Variants in LIMS1 observed in about 807,000 individuals in gnomAD.
The protein encoded by LIMS1 is LIM and senescent cell antigen-like-containing domain protein 1.
A neutral mutation model predicts 44.1 loss-of-function variants in LIMS1; 18 were observed. The observed-to-expected ratio is 0.41, with a 90% CI of 0.28 to 0.61. The LOEUF (loss-of-function observed/expected upper bound fraction) is 0.61, where lower values mean the gene tolerates loss of function less well. Among genes scored for constraint, LIMS1 ranks in the 20% least tolerant of loss-of-function variants. The pLI, the probability that LIMS1 is intolerant of heterozygous loss-of-function variation, is 0.32. For missense variants in LIMS1, 201 were observed against 422.0 expected, an observed-to-expected ratio of 0.48 and a Z score of 4.59; for synonymous variants, 93 against 149.1, an observed-to-expected ratio of 0.62 and a Z score of 2.74.
At position 108,566,451 on chromosome 2, in the gene LIMS1, T is replaced by G. The variant is rs1345074870; in HGVS notation, c.32+31857T>G. ...TCATTTATATAGATGAGGAAACTGA[T>G]TCTCAGAGGGTAAATTGCCCAGGGC... On this transcript the variant is annotated intron_variant, in intron 1 of 9. Coordinates refer to ENST00000544547, the Ensembl canonical transcript of LIMS1. Among the ~76,000 whole-genome samples, 4 of 152,188 alleles carry G rather than the reference T, an allele frequency of 2.6e-5. No homozygotes were observed. In the East Asian group the frequency reaches 5.8e-4, roughly 22 times the overall value.
intron 1 of LIMS1, among the ~76,000 whole-genome samples, chr2:108,573,106 T>C (rs978020277): frequency 6.6e-6 from 1 of 152,188 alleles, no homozygotes; most frequent in African/African-American, 2.4e-5. Context: ...ATAAAAAAGG[T>C]CATATGAATG....
intron 1 of LIMS1, among the ~76,000 whole-genome samples, chr2:108,568,334 TCAAGCTTCATC>T (rs1286700878): frequency 6.6e-6 from 1 of 152,240 alleles, no homozygotes; most frequent in Non-Finnish European, 1.5e-5. Context: ...CATAATGTCC[TCAAGCTTCATC>T]CATGTTGTAG....
At chr2:108,612,376 T>C (rs1687705499) in intron 1 of LIMS1, among the ~76,000 whole-genome samples, 1 of 152,104 alleles carries the variant, frequency 6.6e-6, no homozygotes, top group African/African-American at 2.4e-5. Context: ...CTCCTGAAGT[T>C]TGCTGTTTGT....
chr2:108,652,812 A>G (rs563083472), intron 1 of LIMS1, among the ~76,000 whole-genome samples: 1 of 152,256 alleles, frequency 6.6e-6, no homozygotes, highest in African/African-American at 2.4e-5. Context: ...CACCGGATGC[A>G]TTAAATTTCT....
chr2:108,551,491 G>GCGCACACA (rs1491560992), intron 1 of LIMS1, among the ~76,000 whole-genome samples: 2 of 114,868 alleles, frequency 1.7e-5, no homozygotes, highest in Non-Finnish European at 3.5e-5. Context: ...GCGCGCGCGC[G>GCGCACACA]CACACACACA....
chr2:108,678,106 A>G, intron 8 of LIMS1, 79 bp downstream of exon 8: 1 of 1,603,108 alleles, frequency 6.2e-7, no homozygotes, highest in Admixed American at 1.7e-5. Flanking sequence ...CAGGTTGGTG[A>G]TTGTATGGTT....
rs1687496617 is a variant in LIMS1 at position 108,609,921 on chromosome 2, T to G, written c.33-49684T>G. Among the ~76,000 whole-genome samples the G allele has an allele frequency of 3.9e-5, 6 of 152,240 alleles. No homozygotes were observed. The South Asian group carries it at 1.0e-3, about 26-fold the overall frequency. The stretch of plus-strand genomic sequence containing the variant: ...ACTTTGGGAGGCCGAGGTGGGCGGA[T>G]CACGAGGTCAGGAGGTCAAGACTAT... On this transcript the variant is annotated intron_variant, in intron 1 of 9. Transcript: ENST00000544547.
At chr2:108,548,632 A>G (rs902051500) in intron 1 of LIMS1, among the ~76,000 whole-genome samples, 5 of 152,212 alleles carry the variant, frequency 3.3e-5, no homozygotes, top group South Asian at 2.1e-4. Flanking sequence ...AGTTCCAGCA[A>G]TTCCTCAAAA....
intron 1 of LIMS1, among the ~76,000 whole-genome samples, chr2:108,647,783 T>G (rs1690176934): frequency 1.3e-5 from 2 of 152,126 alleles, no homozygotes; most frequent in Admixed American, 1.3e-4. Context: ...CTAAAAACTC[T>G]CAATAAACTA....
intron 1 of LIMS1, among the ~76,000 whole-genome samples, chr2:108,575,590 A>G (rs1685642672): frequency 1.3e-5 from 2 of 152,308 alleles, no homozygotes; most frequent in African/African-American, 4.8e-5. Flanking sequence ...ATTTGTCACC[A>G]CTTAGTCACA....
At chr2:108,604,768 C>G (rs1441258445) in intron 1 of LIMS1, among the ~76,000 whole-genome samples, 1 of 152,162 alleles carries the variant, frequency 6.6e-6, no homozygotes, top group Non-Finnish European at 1.5e-5. Context: ...AGGGGACCAG[C>G]AGGAGTAGAG....
intron 1 of LIMS1, among the ~76,000 whole-genome samples, chr2:108,578,968 C>T (rs1302693762): frequency 1.3e-5 from 2 of 152,082 alleles, no homozygotes; most frequent in African/African-American, 4.8e-5. Context: ...TTTTGTTCCT[C>T]AAGAATAAAT....
intron 1 of LIMS1, among the ~76,000 whole-genome samples, chr2:108,559,034 CT>C (rs1280214763): frequency 6.6e-6 from 1 of 152,210 alleles, no homozygotes; most frequent in Non-Finnish European, 1.5e-5. Context: ...GGGGCAGCTT[CT>C]GATTCCCACC....
chr2:108,630,027 C>T (rs984015111), intron 1 of LIMS1, among the ~76,000 whole-genome samples: 8 of 151,894 alleles, frequency 5.3e-5, no homozygotes, highest in African/African-American at 1.7e-4. Context: ...ACCATATTTC[C>T]ACAAAGAAAT....
rs141805900 is a variant in LIMS1 at position 108,679,096 on chromosome 2, A to G, written c.823+1069A>G. ...AAAATATTTAGAGAAAAATAACAAT[A>G]TAACAGTACAAATAGTACAGTATAA... On this transcript the variant is annotated intron_variant, in intron 8 of 9. Transcript: ENST00000544547. 4.4e-3 allele frequency among the ~76,000 whole-genome samples: 674 copies of G among 152,312 alleles called. 4 individuals carry two copies. The highest frequency in any genetic ancestry group is 0.014 in the South Asian group (68 of 4,820).
intron 1 of LIMS1, among the ~76,000 whole-genome samples, chr2:108,572,158 A>G (rs572880097): frequency 1.2e-4 from 18 of 151,894 alleles, no homozygotes; most frequent in African/African-American, 3.1e-4. Flanking sequence ...TTTTTTTATC[A>G]TGGAATTTAT....
intron 1 of LIMS1, among the ~76,000 whole-genome samples, chr2:108,603,046 A>C (rs1160242943): frequency 6.6e-6 from 1 of 152,200 alleles, no homozygotes. Context: ...TTGGCCTCCC[A>C]AAATGCTGAG....
At chr2:108,568,096 C>T (rs1480545382) in intron 1 of LIMS1, among the ~76,000 whole-genome samples, 2 of 152,108 alleles carry the variant, frequency 1.3e-5, no homozygotes, top group Non-Finnish European at 2.9e-5. Flanking sequence ...TTGGGTATTT[C>T]GAAGTTTGGT....
chr2:108,536,053 T>A (rs1287151566), intron 1 of LIMS1, among the ~76,000 whole-genome samples: 1 of 152,218 alleles, frequency 6.6e-6, no homozygotes, highest in Non-Finnish European at 1.5e-5. Flanking sequence ...GATATAAAAT[T>A]TAAAGTATTT....
Sources: gnomAD v4.1 joint callset for allele counts (sites outside exome capture counted in the v4.1 genomes callset) on GRCh38, gnomAD v4.1.1 for gene constraint, MANE v1.5 for transcripts, NCBI Gene and HGNC (gene_info 2026-07-23, HGNC 2026-07-21) for gene names.